Variants in TRA2A observed in about 807,000 individuals in gnomAD.
The protein encoded by TRA2A is transformer-2 protein homolog alpha.
Under a neutral mutation model 45.7 loss-of-function variants are expected in TRA2A, and 31 were observed. The observed-to-expected ratio is 0.68, with a 90% CI of 0.51 to 0.92. The LOEUF (loss-of-function observed/expected upper bound fraction) is 0.92. TRA2A is among the 40% of genes least tolerant of loss of function. The pLI is 0.00. For synonymous variants in TRA2A, 132 were observed against 126.2 expected (o/e 1.05, Z -0.31); for missense variants, 304 against 367.5 (o/e 0.83, Z 1.41).
intron 1 of TRA2A, chr7:23,522,319 C>T: frequency 8.4e-7 from 1 of 1,195,358 alleles, no homozygotes; most frequent in Non-Finnish European, 1.1e-6. Context: ...TCAATTTTTT[C>T]CCCCATTCAA....
At chr7:23,512,861 T>A in intron 4 of TRA2A, 33 bp downstream of exon 4, 1 of 1,497,220 alleles carries the variant, frequency 6.7e-7, no homozygotes, top group Non-Finnish European at 9.1e-7. Flanking sequence ...ACTAATTCAG[T>A]ACTATAATCA....
chr7:23,528,749 C>A (rs895282622), intron 1 of TRA2A, among the ~76,000 whole-genome samples: 1 of 151,624 alleles, frequency 6.6e-6, no homozygotes, highest in Non-Finnish European at 1.5e-5. Context: ...CTCACTGCAA[C>A]CTCTGCCTCC....
At chr7:23,531,732 C>G (rs1790594415) in intron 1 of TRA2A, 57 bp downstream of exon 1, 1 of 1,603,706 alleles carries the variant, frequency 6.2e-7, no homozygotes, top group South Asian at 1.1e-5. Flanking sequence ...CGCTTGTTCC[C>G]GTGAAACCCC....
chr7:23,511,756 T>A (rs1016904645), intron 4 of TRA2A, among the ~76,000 whole-genome samples: 1 of 152,132 alleles, frequency 6.6e-6, no homozygotes, highest in African/African-American at 2.4e-5. Flanking sequence ...TCCTTTATAA[T>A]ACCGAACATG....
At chr7:23,524,721 G>C (rs1030892024) in intron 1 of TRA2A, among the ~76,000 whole-genome samples, 1 of 148,500 alleles carries the variant, frequency 6.7e-6, no homozygotes, top group Admixed American at 6.7e-5. Flanking sequence ...ATGGAGTCTT[G>C]CTCTGTAGCT....
intron 1 of TRA2A, among the ~76,000 whole-genome samples, chr7:23,523,914 C>A (rs915181519): frequency 1.3e-5 from 2 of 152,194 alleles, no homozygotes; most frequent in South Asian, 4.1e-4. Context: ...ACAAAACAGA[C>A]CCTGTGACAT....
At chr7:23,508,563 C>T (rs1028888302) in intron 4 of TRA2A, among the ~76,000 whole-genome samples, 3 of 152,196 alleles carry the variant, frequency 2.0e-5, no homozygotes, top group South Asian at 2.1e-4. Context: ...GGCGTGACCT[C>T]GGTTCACTGC....
intron 1 of TRA2A, among the ~76,000 whole-genome samples, chr7:23,523,293 G>GA (rs1262371028): frequency 1.3e-5 from 2 of 152,050 alleles, no homozygotes; most frequent in African/African-American, 4.8e-5. Context: ...ATGGGTTTCT[G>GA]AAAAAATTGG....
chr7:23,507,657 T>C (rs776708057), intron 4 of TRA2A, 122 bp from the exon 5 acceptor site: 2 of 720,162 alleles, frequency 2.8e-6, no homozygotes, highest in Non-Finnish European at 2.5e-6. Context: ...ATGACAGCAA[T>C]GTAGCTTGTA....
In TRA2A at chr7:23,516,478, T is replaced by G. The variant is rs1193647809; in HGVS notation, c.221A>C (p.His74Pro). ...SHRRYTRSRS[H>P]SHSHRRRSRS... ...AGATCGTCTCCTATGAGAGTGAGAG[T>G]GGGATCTGGATCGAGTGTAACGTCT... The change falls in exon 3 of 8, where the codon CAC becomes CCC. Residue 74 changes from histidine (H) to proline (P), a missense_variant. By Grantham distance (77) the His-to-Pro change is moderately conservative. Coordinates refer to ENST00000297071, the MANE Select transcript of TRA2A (RefSeq NM_013293.5). 6.2e-7 allele frequency: 1 copy of G among 1,614,150 alleles called. No homozygotes were observed. Among genetic ancestry groups the G allele is most frequent in the South Asian group, 1.1e-5 (1 of 91,088 alleles).
At chr7:23,513,747 G>C (rs1407603365) in intron 3 of TRA2A, among the ~76,000 whole-genome samples, 1 of 152,046 alleles carries the variant, frequency 6.6e-6, no homozygotes, top group Non-Finnish European at 1.5e-5. Context: ...AAGGAGACAG[G>C]GTCATTTATA....
Position 23,513,069 on chromosome 7 carries a change from G to A in TRA2A, c.350C>T (p.Pro117Leu). 1 of 1,592,506 alleles carries A rather than the reference G, an allele frequency of 6.3e-7. No homozygotes were observed. The highest frequency in any genetic ancestry group is 8.5e-7 in the Non-Finnish European group (1 of 1,172,402). The stretch of plus-strand genomic sequence containing the variant: ...GCCAAACACTCCAAGGCAAGTGTTG[G>A]GATCTGGATTTGCCTATTGAATGGA... ...RHTGSRANPD[P>L]NTCLGVFGLS... is the part of the protein sequence containing the mutation. The change falls in exon 4 of 8, where the codon CCC (proline) becomes CTC (leucine). Residue 117 changes from proline (P) to leucine (L), a missense_variant. By Grantham distance (98) the Pro-to-Leu change is moderately conservative (BLOSUM62 -3). This residue lies in a region of TRA2A where 130 missense variants were observed against 217.1 expected (regional missense o/e 0.60). Coordinates refer to ENST00000297071, the MANE Select transcript of TRA2A (RefSeq NM_013293.5).
At chr7:23,526,097 A>G (rs1790330297) in intron 1 of TRA2A, among the ~76,000 whole-genome samples, 1 of 152,204 alleles carries the variant, frequency 6.6e-6, no homozygotes, top group Admixed American at 6.5e-5. Flanking sequence ...ACCATGTACT[A>G]TTCTTTTAAT....
chr7:23,513,620 T>C (rs1335456349), intron 3 of TRA2A, among the ~76,000 whole-genome samples: 1 of 152,112 alleles, frequency 6.6e-6, no homozygotes, highest in East Asian at 1.9e-4. Flanking sequence ...GAAATGTTTG[T>C]TTCTCGGTGT....
intron 1 of TRA2A, among the ~76,000 whole-genome samples, chr7:23,523,516 C>G (rs1790219581): frequency 6.6e-6 from 1 of 152,204 alleles, no homozygotes; most frequent in South Asian, 2.1e-4. Flanking sequence ...TCACACAACT[C>G]AAACAGCTTT....
intron 1 of TRA2A, among the ~76,000 whole-genome samples, chr7:23,527,918 G>A (rs1453179985): frequency 6.6e-6 from 1 of 151,970 alleles, no homozygotes; most frequent in African/African-American, 2.4e-5. Context: ...TTTTTTTTAA[G>A]TTTACAAATT....
rs563470263 is a variant in TRA2A at position 23,521,834 on chromosome 7, G to A, written c.43C>T (p.Arg15Cys). ...EENNFEGRES[R>C]SQSKSPTGTP... ...CCCGTTGGAGATTTTGACTGAGAGCGAGACTCCTAACAAAGAAGACAGTAT... is the reference window on the plus strand; with the variant it reads ...CCCGTTGGAGATTTTGACTGAGAGCAAGACTCCTAACAAAGAAGACAGTAT... Residue 15 changes from arginine to cysteine, a missense_variant, in exon 2 of 8, where the codon CGC becomes TGC. Arg to Cys is a radical substitution (Grantham distance 180). This residue lies in a region of TRA2A where 132 missense variants were observed against 113.4 expected (regional missense o/e 1.16). Transcript: ENST00000297071. 15 of 1,613,882 alleles carry A rather than the reference G, an allele frequency of 9.3e-6. No individual in the cohort carries two copies. Among genetic ancestry groups the A allele is most frequent in the East Asian group, 2.2e-5 (1 of 44,886 alleles).
At chr7:23,514,944 G>C (rs745380348) in intron 3 of TRA2A, among the ~76,000 whole-genome samples, 28 of 152,282 alleles carry the variant, frequency 1.8e-4, no homozygotes, top group Non-Finnish European at 3.1e-4. Context: ...CCGGCTGCCT[G>C]GTTGAAACCT....
rs534310803 is a variant in TRA2A, at chr7:23,519,383, C to CA, written c.170+2323dup. Among the ~76,000 whole-genome samples, 263 of 151,440 alleles carry CA rather than the reference C, an allele frequency of 1.7e-3. 1 individual carries two copies. The South Asian group carries it at 0.019, about 11-fold the overall frequency. Reference sequence around the variant, plus strand: ...TGGCGACAGAGTGAGACTCCGTCTTCAAAAAAAAGACTAATGACCCACCCT... The same window carrying CA: ...TGGCGACAGAGTGAGACTCCGTCTTCAAAAAAAAAGACTAATGACCCACCCT... On this transcript the variant is annotated intron_variant, in intron 2 of 7. Coordinates refer to ENST00000297071, the MANE Select transcript of TRA2A (RefSeq NM_013293.5).
Sources: gnomAD v4.1 joint callset for allele counts (sites outside exome capture counted in the v4.1 genomes callset) on GRCh38, gnomAD v4.1.1 for gene constraint, gnomAD v4.1.1 regional missense constraint, MANE v1.5 for transcripts, NCBI Gene and HGNC (gene_info 2026-07-23, HGNC 2026-07-21) for gene names.